Variants in WDFY1 observed in about 807,000 individuals in gnomAD.
WDFY1 encodes the protein WD repeat and FYVE domain containing 1.
WDFY1 carries 32 observed loss-of-function variants against 56.4 expected under a neutral mutation model. That is an observed-to-expected ratio of 0.57 (90% CI 0.43 to 0.76). The LOEUF is 0.76. Among genes scored for constraint, WDFY1 ranks in the 30% least tolerant of loss-of-function variants. WDFY1 has a pLI of 0.00. For missense variants in WDFY1, 480 were observed against 545.7 expected (o/e 0.88, Z 1.20); for synonymous variants, 192 against 197.3 (o/e 0.97, Z 0.23).
At chr2:223,906,530 C>T (rs1693600393) in intron 3 of WDFY1, among the ~76,000 whole-genome samples, 1 of 151,948 alleles carries the variant, frequency 6.6e-6, no homozygotes, top group South Asian at 2.1e-4. Flanking sequence ...CCATATTTTC[C>T]AAATTTTATT....
intron 2 of WDFY1, 39 bp from the exon 3 acceptor site, chr2:223,912,365 A>T: frequency 6.4e-7 from 1 of 1,551,618 alleles, no homozygotes; most frequent in South Asian, 1.2e-5. Flanking sequence ...AGCAAAGCTA[A>T]GCACTTTAAG....
At chr2:223,879,875 C>T (rs1693036605) in intron 11 of WDFY1, among the ~76,000 whole-genome samples, 1 of 152,134 alleles carries the variant, frequency 6.6e-6, no homozygotes, top group African/African-American at 2.4e-5. Flanking sequence ...GTCAACTCCA[C>T]CCATAGGGAT....
rs1574768273 is a variant in WDFY1, at chr2:223,905,951, G to A, written c.330C>T (p.Tyr110=). The change falls in exon 4 of 12, where the codon TAC becomes TAT. Residue 110 remains tyrosine, a synonymous_variant. Coordinates refer to ENST00000233055, the MANE Select transcript of WDFY1 (RefSeq NM_020830.5). The part of the protein sequence containing the change: ...DFNKMNFIKT[Y]PAHQNRVSAI... ...GATAATGTGTATTATAATTACCTGG[G>A]TAGGTCTTGATAAAGTTCATTTTAT... The A allele has an allele frequency of 2.5e-6, 4 of 1,573,364 alleles. No homozygotes were observed. The highest frequency in any genetic ancestry group is 4.5e-5 in the East Asian group (2 of 44,312).
chr2:223,894,375 T>G (rs774749550), intron 7 of WDFY1, 36 bp from the exon 8 acceptor site: 5 of 1,608,898 alleles, frequency 3.1e-6, no homozygotes, highest in Non-Finnish European at 4.3e-6. Flanking sequence ...CTTGTCTCCA[T>G]GCGGAAAAAC....
intron 1 of WDFY1, among the ~76,000 whole-genome samples, chr2:223,933,792 T>C (rs1288608841): frequency 1.4e-5 from 1 of 70,948 alleles, no homozygotes; most frequent in East Asian, 2.6e-4. Context: ...CCCCCCCCCA[T>C]CTCTACAAAA....
At chr2:223,884,802 T>C in intron 8 of WDFY1, 53 bp from the exon 9 acceptor site, 1 of 1,492,462 alleles carries the variant, frequency 6.7e-7, no homozygotes, top group Non-Finnish European at 9.3e-7. Flanking sequence ...TTTACTCCCA[T>C]GTTTCAAAAT....
rs772118960 is a variant in WDFY1, at chr2:223,894,263, C to A, written c.802G>T (p.Val268Leu). 25 of 1,614,084 alleles carry A rather than the reference C, an allele frequency of 1.5e-5. No homozygotes were observed. The African/African-American group carries it at 2.4e-4, about 16-fold the overall frequency. The change falls in exon 8 of 12, where the codon GTG becomes TTG. Residue 268 changes from valine (V) to leucine (L), a missense_variant. Coordinates refer to ENST00000233055, the MANE Select transcript of WDFY1 (RefSeq NM_020830.5). ...VSCSSDGGIA[V>L]WNMDVSREEA... ...TCTCTGCTAACATCCATGTTCCACA[C>A]TGCAATTCCGCCGTCCGAGGAACAG...
At chr2:223,899,220 G>A (rs2106081218) in intron 5 of WDFY1, 150 bp from the exon 6 acceptor site, 5 of 564,934 alleles carry the variant, frequency 8.9e-6, no homozygotes, top group Admixed American at 3.1e-5. Flanking sequence ...TAACAAGAAA[G>A]GAAACACCCA....
chr2:223,920,176 C>T (rs1693865121), intron 1 of WDFY1, among the ~76,000 whole-genome samples: 1 of 152,188 alleles, frequency 6.6e-6, no homozygotes, highest in African/African-American at 2.4e-5. Context: ...ACAAAGACAA[C>T]AGGTATGCGA....
In WDFY1 at chr2:223,938,856, A is replaced by ATTTT. The variant is rs10626915; in HGVS notation, c.137+6288_137+6291dup. Among the ~76,000 whole-genome samples the ATTTT allele has an allele frequency of 5.0e-3, 699 of 140,448 alleles. 19 individuals carry two copies. The highest frequency in any genetic ancestry group is 0.015 in the Middle Eastern group (4 of 266). 92.1% of individuals were successfully genotyped at this position (140,448 alleles called of 152,430 possible). ...AAAAAGAGGATAAAATGTAAGCAGT[A>ATTTT]TTTTTTTTTTTTTTTTGAGACAGGG... On this transcript the variant is annotated intron_variant, in intron 1 of 11. Transcript: ENST00000233055.
intron 10 of WDFY1, 40 bp downstream of exon 10, chr2:223,881,902 G>A: frequency 6.2e-7 from 1 of 1,608,300 alleles, no homozygotes; most frequent in Non-Finnish European, 8.5e-7. Context: ...TTAGACAGAT[G>A]TAATAAGAGG....
intron 1 of WDFY1, 103 bp downstream of exon 1, chr2:223,945,045 G>A: frequency 1.5e-6 from 2 of 1,344,180 alleles, no homozygotes; most frequent in Non-Finnish European, 2.0e-6. Flanking sequence ...CCGTGCTGCC[G>A]GGGGAGCCCC....
At chr2:223,911,869 G>A (rs1693709349) in intron 3 of WDFY1, among the ~76,000 whole-genome samples, 1 of 150,558 alleles carries the variant, frequency 6.6e-6, no homozygotes, top group Non-Finnish European at 1.5e-5. Flanking sequence ...AGGCGAAAGT[G>A]CAGTGGTGCA....
rs750292496 is a variant in WDFY1 at position 223,945,300 on chromosome 2, G to C, written c.-16C>G. On this transcript the variant is annotated 5_prime_UTR_variant, in exon 1 of 12. Coordinates refer to ENST00000233055, the MANE Select transcript of WDFY1 (RefSeq NM_020830.5). ...CGGCCGCCATGTTCGCGCGGCGACT[G>C]CTGCGGCCTCCTCGGCAGGCAGCCC... is the stretch of plus-strand genomic sequence containing the variant. The C allele has an allele frequency of 1.2e-5, 18 of 1,559,304 alleles. No individual in the cohort carries two copies. The South Asian group carries it at 1.8e-4, about 16-fold the overall frequency.
rs550499065 is a variant in WDFY1, at chr2:223,897,472, G to A, written c.598+1486C>T. Among the ~76,000 whole-genome samples the A allele has an allele frequency of 2.1e-3, 321 of 149,850 alleles. 1 individual carries two copies. The highest frequency in any genetic ancestry group is 7.3e-3 in the African/African-American group (296 of 40,730). ...TGGCTCACTGCAACCTCTGCCTCCCGGGTTCAAGAGATTCTCCTGCCTCAG... is the reference window on the plus strand; with the variant it reads ...TGGCTCACTGCAACCTCTGCCTCCCAGGTTCAAGAGATTCTCCTGCCTCAG... On this transcript the variant is annotated intron_variant, in intron 6 of 11. Transcript: ENST00000233055.
chr2:223,884,831 C>A, intron 8 of WDFY1, 82 bp from the exon 9 acceptor site: 1 of 1,255,832 alleles, frequency 8.0e-7, no homozygotes. Flanking sequence ...CAGTTCTAGA[C>A]CTTGCCAAGG....
chr2:223,905,752 C>A (rs1693588543), intron 4 of WDFY1, among the ~76,000 whole-genome samples, 195 bp downstream of exon 4: 2 of 151,880 alleles, frequency 1.3e-5, no homozygotes, highest in South Asian at 2.1e-4. Context: ...GATACATGTG[C>A]CTGATATACA....
intron 7 of WDFY1, chr2:223,894,586 G>T (rs1693329552): frequency 2.1e-6 from 1 of 472,262 alleles, no homozygotes; most frequent in African/African-American, 2.0e-5. Context: ...GTAGGCCAGA[G>T]ATTTGATGAG....
At chr2:223,894,137 T>C (rs1693322245) in intron 8 of WDFY1, 97 bp downstream of exon 8, 2 of 1,205,490 alleles carry the variant, frequency 1.7e-6, no homozygotes, top group Non-Finnish European at 2.4e-6. Context: ...TGTCTGCACC[T>C]GGACCAGCAT....
Sources: allele counts gnomAD v4.1 joint callset (sites outside exome capture counted in the v4.1 genomes callset), GRCh38; gene constraint gnomAD v4.1.1; transcripts MANE v1.5; gene names NCBI Gene and HGNC (gene_info 2026-07-23, HGNC 2026-07-21).